Variants in SIN3A observed in about 807,000 individuals in gnomAD.
SIN3A encodes paired amphipathic helix protein Sin3a.
Under a neutral mutation model 146.1 loss-of-function variants are expected in SIN3A, and 14 were observed. That is an observed-to-expected ratio of 0.10 (90% CI 0.06 to 0.15). The LOEUF (loss-of-function observed/expected upper bound fraction) is 0.15, where lower values mean the gene tolerates loss of function less well. Ranked by LOEUF, SIN3A falls within the 10% of genes least tolerant of loss-of-function variation. The probability of loss-of-function intolerance (pLI) is 1.00; values close to 1 mark genes in which losing one functional copy is unlikely to be tolerated. For synonymous variants in SIN3A, 572 were observed against 572.0 expected, an observed-to-expected ratio of 1.00 and a Z score of 0.00; for missense variants, 1,028 against 1,576.0, an observed-to-expected ratio of 0.65 and a Z score of 5.89.
intron 1 of SIN3A, among the ~76,000 whole-genome samples, chr15:75,439,569 T>A (rs138762786): frequency 0.02 from 3,106 of 151,684 alleles, 171 homozygotes; most frequent in Admixed American, 0.11. Flanking sequence ...ATGGTCTCGA[T>A]CTCCTGACCT....
chr15:75,369,524 G>C lies in SIN3A; in HGVS notation c.*2455C>G, dbSNP rs2072686423. 6.6e-6 allele frequency: 1 copy of C among 152,216 alleles called. No individual in the cohort carries two copies. Among genetic ancestry groups the C allele is most frequent in the Non-Finnish European group, 1.5e-5 (1 of 68,042 alleles). The allele number at this position is 152,216 out of a possible 1,614,324, so 9.4% of individuals were successfully genotyped here. A position where few individuals can be genotyped will look rare whatever the true frequency, so the allele number is the denominator to read the frequency against. Reference sequence around the variant, plus strand: ...CTGCATATAATACAGGTTGGGTTTAGAGCTTGGAGCTCAGATGTCAGACAG... The same window carrying C: ...CTGCATATAATACAGGTTGGGTTTACAGCTTGGAGCTCAGATGTCAGACAG... On this transcript the variant is annotated 3_prime_UTR_variant, in exon 21 of 21. Transcript: ENST00000394947.
At chr15:75,440,834 T>C (rs2074195380) in intron 1 of SIN3A, among the ~76,000 whole-genome samples, 1 of 151,594 alleles carries the variant, frequency 6.6e-6, no homozygotes, top group Non-Finnish European at 1.5e-5. Context: ...TACAAAAAAT[T>C]AGCCAGGCGT....
chr15:75,449,706 T>C (rs1359809469), intron 1 of SIN3A, among the ~76,000 whole-genome samples: 2 of 152,172 alleles, frequency 1.3e-5, no homozygotes, highest in East Asian at 1.9e-4. Flanking sequence ...TGGTCTAACA[T>C]AAGTACATAA....
At chr15:75,430,119 GTT>G in intron 2 of SIN3A, 66 bp downstream of exon 2, 1 of 1,289,214 alleles carries the variant, frequency 7.8e-7, no homozygotes, top group East Asian at 2.3e-5. Flanking sequence ...ATTAAAAAAA[GTT>G]TTATAATTGC....
intron 3 of SIN3A, chr15:75,421,363 C>G (rs983061563): frequency 5.3e-5 from 8 of 152,204 alleles, no homozygotes; most frequent in African/African-American, 1.9e-4. Flanking sequence ...AGTGAAGCTT[C>G]AGGCCTAAAA....
At chr15:75,374,829 G>A (rs1365313438) in intron 20 of SIN3A, among the ~76,000 whole-genome samples, 1 of 152,198 alleles carries the variant, frequency 6.6e-6, no homozygotes, top group Non-Finnish European at 1.5e-5. Context: ...TCCAGTGAAA[G>A]CAAGGCCTGT....
chr15:75,422,846 AG>A, intron 2 of SIN3A, 23 bp from the exon 3 acceptor site: 2 of 1,600,742 alleles, frequency 1.2e-6, no homozygotes, highest in Non-Finnish European at 1.7e-6. Context: ...AAATACAGAC[AG>A]GAAACTTCAA....
chr15:75,371,318 CA>C lies in SIN3A; in HGVS notation c.*660del, dbSNP rs949693695. ...ACAGTTCCACGGGAGCTAAAAAGGACAACTGATTTGAACTCGTTGAGGTTGA... is the reference window on the plus strand; with the variant it reads ...ACAGTTCCACGGGAGCTAAAAAGGACACTGATTTGAACTCGTTGAGGTTGA... On this transcript the variant is annotated 3_prime_UTR_variant, in exon 21 of 21. Coordinates refer to ENST00000394947, the MANE Select transcript of SIN3A (RefSeq NM_001145358.2). 6.6e-6 allele frequency: 1 copy of C among 152,380 alleles called. No individual in the cohort carries two copies. The highest frequency in any genetic ancestry group is 1.5e-5 in the Non-Finnish European group (1 of 68,050). 9.4% of individuals were successfully genotyped at this position (152,380 alleles called of 1,614,324 possible).
intron 3 of SIN3A, 112 bp from the exon 4 acceptor site, chr15:75,414,423 T>C (rs2073697907): frequency 4.6e-6 from 2 of 434,252 alleles, no homozygotes; most frequent in Non-Finnish European, 8.0e-6. Flanking sequence ...GTAAATGAAG[T>C]AAAAATATAT....
At chr15:75,402,499 C>CA (rs1233882149) in intron 9 of SIN3A, among the ~76,000 whole-genome samples, 1 of 151,884 alleles carries the variant, frequency 6.6e-6, no homozygotes, top group Non-Finnish European at 1.5e-5. Flanking sequence ...GCCTGGGTGA[C>CA]AGAGCAAGAC....
intron 3 of SIN3A, chr15:75,422,330 TAGAG>T: frequency 1.7e-6 from 1 of 595,148 alleles, no homozygotes; most frequent in Non-Finnish European, 3.0e-6. Flanking sequence ...ATGTGCTCAA[TAGAG>T]AGTTCAAAAG....
At chr15:75,379,447 A>C (rs977727786) in intron 19 of SIN3A, among the ~76,000 whole-genome samples, 5 of 152,204 alleles carry the variant, frequency 3.3e-5, no homozygotes, top group African/African-American at 7.2e-5. Flanking sequence ...CGATTATATC[A>C]ATTTCCTTTT....
At chr15:75,409,810 A>G in intron 8 of SIN3A, 26 bp downstream of exon 8, 1 of 1,608,004 alleles carries the variant, frequency 6.2e-7, no homozygotes, top group Non-Finnish European at 8.5e-7. Flanking sequence ...TGAGTGTCAA[A>G]ATGAGCAGCT....
intron 2 of SIN3A, among the ~76,000 whole-genome samples, chr15:75,426,077 C>T (rs2073919595): frequency 6.6e-6 from 1 of 152,238 alleles, no homozygotes; most frequent in African/African-American, 2.4e-5. Context: ...GGTTTACAGG[C>T]TTTCACTAGA....
upstream of SIN3A, among the ~76,000 whole-genome samples, chr15:75,452,294 A>T (rs2074424066): frequency 6.6e-6 from 1 of 152,220 alleles, no homozygotes; most frequent in Non-Finnish European, 1.5e-5. Flanking sequence ...GAACCTTAGC[A>T]GTCCTTTTGT....
intron 16 of SIN3A, among the ~76,000 whole-genome samples, chr15:75,387,156 G>C (rs983771360): frequency 6.6e-6 from 1 of 152,142 alleles, no homozygotes; most frequent in Non-Finnish European, 1.5e-5. Flanking sequence ...GAATCTGAGG[G>C]AACACCAAAT....
intron 19 of SIN3A, among the ~76,000 whole-genome samples, chr15:75,377,138 C>G (rs2072877879): frequency 1.3e-5 from 2 of 152,078 alleles, no homozygotes; most frequent in African/African-American, 4.8e-5. Flanking sequence ...AAATTGTTAC[C>G]AAATTCCAAT....
chr15:75,451,115 T>C (rs1156477914), intron 1 of SIN3A, among the ~76,000 whole-genome samples: 1 of 139,374 alleles, frequency 7.2e-6, no homozygotes, highest in Non-Finnish European at 1.5e-5. Flanking sequence ...GGCCGCAAAC[T>C]GCACTCAGCG....
chr15:75,442,153 A>AAAAG (rs2074226322), intron 1 of SIN3A, among the ~76,000 whole-genome samples: 1 of 120,898 alleles, frequency 8.3e-6, no homozygotes, highest in Non-Finnish European at 1.7e-5. Context: ...AAAAAAAAAA[A>AAAAG]CTGATTTTTT....
Sources: allele counts gnomAD v4.1 joint callset (sites outside exome capture counted in the v4.1 genomes callset), GRCh38; gene constraint gnomAD v4.1.1; transcripts MANE v1.5; gene names NCBI Gene and HGNC (gene_info 2026-07-23, HGNC 2026-07-21).